AGO1: variants seen among roughly 807,000 people sequenced by gnomAD.
The protein encoded by AGO1 is protein argonaute-1.
In AGO1, 11 loss-of-function variants were observed where a neutral mutation model predicts 109.2. The ratio of observed to expected loss-of-function variants is 0.10; its 90% CI spans 0.06 to 0.17. The LOEUF is 0.17. AGO1 is among the 10% of genes least tolerant of loss of function. The pLI, the probability that AGO1 is intolerant of heterozygous loss-of-function variation, is 1.00. For missense variants in AGO1, 574 were observed against 1,140.3 expected, an observed-to-expected ratio of 0.50 and a Z score of 7.15; for synonymous variants, 422 against 418.6, an observed-to-expected ratio of 1.01 and a Z score of -0.10.
At position 35,893,666 on chromosome 1, in the gene AGO1, C is replaced by T. The variant is rs1332139873; in HGVS notation, c.513-8C>T. The T allele has an allele frequency of 6.2e-7, 1 of 1,607,538 alleles. No individual in the cohort carries two copies. The highest frequency in any genetic ancestry group is 8.5e-7 in the Non-Finnish European group (1 of 1,176,094). ...CCGAGGGACCAGTTCTCTGCCTGTC[C>T]CTGCCAGGTACACCCCTGTGGGCCG... On this transcript the variant is annotated splice_region_variant and splice_polypyrimidine_tract_variant and intron_variant, in intron 4 of 18. Transcript: ENST00000373204. This position sits in a 1 kb window ranked among gnomAD's most constrained non-coding sequence, Gnocchi z 5.6.
chr1:35,922,660 T>C lies in AGO1; in HGVS notation c.*3053T>C, dbSNP rs1383916478. The C allele has an allele frequency of 6.6e-6, 1 of 152,538 alleles. No individual in the cohort carries two copies. Among genetic ancestry groups the C allele is most frequent in the Non-Finnish European group, 1.5e-5 (1 of 68,306 alleles). The allele number at this position is 152,538 out of a possible 1,614,324, so 9.4% of individuals were successfully genotyped here. ...CCTATGTGATGATGAAATCTCTGCA[T>C]GGCTGCAATGATCCCACTGTTAGCT... On this transcript the variant is annotated 3_prime_UTR_variant, in exon 19 of 19. Transcript: ENST00000373204.
At position 35,925,605 on chromosome 1, in the gene AGO1, G is replaced by A. The variant is rs918185284; in HGVS notation, c.*5998G>A. 6.6e-6 allele frequency: 1 copy of A among 151,840 alleles called. No individual in the cohort carries two copies. The highest frequency in any genetic ancestry group is 1.5e-5 in the Non-Finnish European group (1 of 67,980). 9.4% of individuals were successfully genotyped at this position (151,840 alleles called of 1,614,324 possible). A position where few individuals can be genotyped will look rare whatever the true frequency, so the allele number is the denominator to read the frequency against. ...TATAATTGAAATAGGCTAGTAGTCT[G>A]TGGTTTATGAGTATGGGCTGGGTGG... On this transcript the variant is annotated 3_prime_UTR_variant, in exon 19 of 19. Transcript: ENST00000373204.
At chr1:35,908,420 T>C (rs2148719737) in intron 12 of AGO1, among the ~76,000 whole-genome samples, 1 of 152,352 alleles carries the variant, frequency 6.6e-6, no homozygotes, top group South Asian at 2.1e-4. Flanking sequence ...CATCACCTAT[T>C]GCTATTATAT....
Position 35,893,754 on chromosome 1 carries a change from T to A in AGO1, c.593T>A (p.Phe198Tyr). 3 of 1,613,996 alleles carry A rather than the reference T, an allele frequency of 1.9e-6. No homozygotes were observed. The highest frequency in any genetic ancestry group is 2.5e-6 in the Non-Finnish European group (3 of 1,179,954). ...CTGGGGGGTGGGCGCGAGGTCTGGT[T>A]CGGCTTTCACCAGTCTGTGCGCCCT... ...HPLGGGREVW[F>Y]GFHQSVRPAM... The change falls in exon 5 of 19, where the codon TTC (phenylalanine) becomes TAC (tyrosine). Residue 198 changes from phenylalanine (F) to tyrosine (Y), a missense_variant. Phe to Tyr is a conservative substitution (Grantham distance 22). Around this residue, in one of 8 missense-constraint regions of AGO1, gnomAD observed 129 missense variants for 243.0 expected, o/e 0.53. Transcript: ENST00000373204. This position sits in a 1 kb window ranked among gnomAD's most constrained non-coding sequence, Gnocchi z 5.6.
chr1:35,894,379 C>T lies in AGO1; in HGVS notation c.849C>T (p.Thr283=), dbSNP rs570547124. The T allele has an allele frequency of 9.9e-6, 16 of 1,614,154 alleles. No homozygotes were observed. The East Asian group carries it at 3.3e-4, about 34-fold the overall frequency. The part of the protein sequence containing the change: ...MKRKYRVCNV[T]RRPASHQTFP... ...GGAAGTACCGCGTGTGTAATGTTAC[C>T]CGTCGCCCTGCTAGCCATCAGACGT... Residue 283 remains threonine, a synonymous_variant, in exon 7 of 19, where the codon ACC becomes ACT. Transcript: ENST00000373204.
rs1242333493 is a variant in AGO1, at chr1:35,888,704, T to A, written c.209+94T>A. The stretch of plus-strand genomic sequence containing the variant: ...AAAGAAAAACCAGTAGAGGGTAGTA[T>A]CACCAAATCTAAGGAAGTTTTTGAA... On this transcript the variant is annotated intron_variant, in intron 2 of 18. Coordinates refer to ENST00000373204, the MANE Select transcript of AGO1 (RefSeq NM_012199.5). This position sits in a 1 kb window ranked among gnomAD's most constrained non-coding sequence, Gnocchi z 4.1. The A allele has an allele frequency of 1.4e-6, 2 of 1,394,366 alleles. No homozygotes were observed. The highest frequency in any genetic ancestry group is 1.9e-6 in the Non-Finnish European group (2 of 1,033,602). 86.4% of individuals were successfully genotyped at this position (1,394,366 alleles called of 1,614,324 possible).
intron 1 of AGO1, among the ~76,000 whole-genome samples, chr1:35,873,907 GT>G (rs1302501565): frequency 6.6e-6 from 1 of 151,784 alleles, no homozygotes; most frequent in Non-Finnish European, 1.5e-5. Flanking sequence ...TGTTTTTTTT[GT>G]TTTGTTTTTA....
chr1:35,907,312 A>G (rs990032006), intron 12 of AGO1, among the ~76,000 whole-genome samples, 193 bp downstream of exon 12: 2 of 151,664 alleles, frequency 1.3e-5, no homozygotes, highest in Non-Finnish European at 2.9e-5. Context: ...ACCTGCACAC[A>G]CTCCTTCCCA....
At chr1:35,903,334 AG>A (rs1448732801) in intron 11 of AGO1, among the ~76,000 whole-genome samples, 7 of 150,114 alleles carry the variant, frequency 4.7e-5, no homozygotes, top group Non-Finnish European at 1.0e-4. Flanking sequence ...TTATTGAGAT[AG>A]GTTTAAAATG....
intron 12 of AGO1, among the ~76,000 whole-genome samples, chr1:35,910,648 C>CT (rs1645616228): frequency 6.6e-6 from 1 of 152,102 alleles, no homozygotes; most frequent in Admixed American, 6.5e-5. Flanking sequence ...TTTCTGACTT[C>CT]TTTCATGCAA....
chr1:35,890,926 G>C (rs1331593033), intron 2 of AGO1, among the ~76,000 whole-genome samples: 1 of 152,102 alleles, frequency 6.6e-6, no homozygotes, highest in Non-Finnish European at 1.5e-5. Context: ...GGGGCATTTT[G>C]AGTATAAGAA....
rs949060752 is a variant in AGO1, at chr1:35,925,205, CTG to C, written c.*5604_*5605del. The C allele has an allele frequency of 3.3e-5, 5 of 149,740 alleles. No individual in the cohort carries two copies. Among genetic ancestry groups the C allele is most frequent in the Non-Finnish European group, 7.4e-5 (5 of 67,388 alleles). 9.3% of individuals were successfully genotyped at this position (149,740 alleles called of 1,614,324 possible). On this transcript the variant is annotated 3_prime_UTR_variant, in exon 19 of 19. Transcript: ENST00000373204. ...TGCAGAGAGGGAGTTCTTTTTTTTT[CTG>C]TGTGTTTTACCTTTCTACTCCCCAT...
rs1645908405 is a variant in AGO1, at chr1:35,925,403, G to A, written c.*5796G>A. On this transcript the variant is annotated 3_prime_UTR_variant, in exon 19 of 19. Coordinates refer to ENST00000373204, the MANE Select transcript of AGO1 (RefSeq NM_012199.5). ...AAAAGAATAAACAAAACCTAATTTT[G>A]TTCCTAGCCAATATTATAAACCATG... 6.7e-6 allele frequency: 1 copy of A among 148,384 alleles called. No homozygotes were observed. The highest frequency in any genetic ancestry group is 2.5e-5 in the African/African-American group (1 of 39,846). The allele number at this position is 148,384 out of a possible 1,614,324, so 9.2% of individuals were successfully genotyped here.
rs1557611994 is a variant in AGO1, at chr1:35,901,457, C to T, written c.1021-17C>T. The T allele has an allele frequency of 1.9e-6, 3 of 1,613,844 alleles. No homozygotes were observed. Among genetic ancestry groups the T allele is most frequent in the Admixed American group, 3.3e-5 (2 of 60,004 alleles). Reference sequence around the variant, plus strand: ...CTGTACTCAAGCCAGAGCTACCTGTCCTTCTTGTTTCCTCAGGTCTGTAAC... The same window carrying T: ...CTGTACTCAAGCCAGAGCTACCTGTTCTTCTTGTTTCCTCAGGTCTGTAAC... On this transcript the variant is annotated splice_polypyrimidine_tract_variant and intron_variant, in intron 8 of 18. Transcript: ENST00000373204. This position sits in a 1 kb window ranked among gnomAD's most constrained non-coding sequence, Gnocchi z 4.8.
At chr1:35,884,111 G>A (rs1420224549) in intron 1 of AGO1, among the ~76,000 whole-genome samples, 1 of 132,686 alleles carries the variant, frequency 7.5e-6, no homozygotes, top group Non-Finnish European at 1.7e-5. Flanking sequence ...CGCCCCGTTT[G>A]GCTTGGAAAA....
intron 1 of AGO1, among the ~76,000 whole-genome samples, chr1:35,877,151 G>T (rs1309308254): frequency 6.6e-6 from 1 of 152,156 alleles, no homozygotes; most frequent in Non-Finnish European, 1.5e-5. Context: ...AAACTGAACC[G>T]TGAATCTGCA....
At chr1:35,876,553 A>G (rs1644994634) in intron 1 of AGO1, among the ~76,000 whole-genome samples, 1 of 152,176 alleles carries the variant, frequency 6.6e-6, no homozygotes, top group Non-Finnish European at 1.5e-5. Flanking sequence ...GGTGTGAGCC[A>G]CTGTGCCCGG....
At chr1:35,875,559 G>T (rs536694063) in intron 1 of AGO1, among the ~76,000 whole-genome samples, 1 of 152,230 alleles carries the variant, frequency 6.6e-6, no homozygotes, top group African/African-American at 2.4e-5. Context: ...GATTAAAGGT[G>T]CATGCCATCA....
chr1:35,894,927 T>G (rs1409201652), intron 7 of AGO1, among the ~76,000 whole-genome samples, 195 bp from the exon 8 acceptor site: 1 of 152,192 alleles, frequency 6.6e-6, no homozygotes, highest in East Asian at 1.9e-4. Flanking sequence ...GAGCCCTGTA[T>G]GTCCTGTTTT....
Sources: allele counts gnomAD v4.1 joint callset (sites outside exome capture counted in the v4.1 genomes callset), GRCh38; gene constraint gnomAD v4.1.1; regional missense constraint gnomAD v4.1.1; non-coding constraint Gnocchi (gnomAD v3.1); transcripts MANE v1.5; gene names NCBI Gene and HGNC (gene_info 2026-07-23, HGNC 2026-07-21).